NCAM1: variants seen among roughly 807,000 people sequenced by gnomAD.
NCAM1 encodes the protein antigen recognized by monoclonal antibody 5.1H11.
In NCAM1, 14 loss-of-function variants were observed where a neutral mutation model predicts 109.8. The observed-to-expected ratio is 0.13, with a 90% confidence interval of 0.08 to 0.20. The LOEUF (loss-of-function observed/expected upper bound fraction) is 0.20. Among genes scored for constraint, NCAM1 ranks in the 10% least tolerant of loss-of-function variants. NCAM1 has a pLI of 1.00. For missense variants in NCAM1, 774 were observed against 1,109.9 expected (o/e 0.70, Z 4.30); for synonymous variants, 418 against 442.9 (o/e 0.94, Z 0.70).
At position 113,219,517 on chromosome 11, in the gene NCAM1, A is replaced by G. The variant is rs143887903; in HGVS notation, c.1060-1779A>G. Among the ~76,000 whole-genome samples the G allele has an allele frequency of 7.0e-3, 1,073 of 152,310 alleles. 16 individuals are homozygous for G. The highest frequency in any genetic ancestry group is 0.024 in the African/African-American group (997 of 41,568). On this transcript the variant is annotated intron_variant, in intron 8 of 19. Coordinates refer to ENST00000316851, the MANE Select transcript of NCAM1 (RefSeq NM_181351.5). ...CAATTTTTGGAGGATTACTAATCAC[A>G]CTCTGATTTATTTCATAAGTGTGTA...
intron 1 of NCAM1, among the ~76,000 whole-genome samples, chr11:112,987,910 A>G (rs936758415): frequency 1.3e-5 from 2 of 152,180 alleles, no homozygotes; most frequent in Non-Finnish European, 2.9e-5. Context: ...AATTATTAAT[A>G]GGTAAGGAAT....
At position 113,270,229 on chromosome 11, in the gene NCAM1, G is replaced by A. The variant is rs377610168; in HGVS notation, c.2173G>A (p.Val725Met). ...PTSGLSTGAI[V>M]GILIVIFVLL... ...CTCAGGCCTGAGCACCGGGGCCATC[G>A]TGGGCATCCTCATCGTCATCTTCGT... Residue 725 changes from valine (V) to methionine (M), a missense_variant, in exon 18 of 20, where the codon GTG becomes ATG. This residue lies in a region of NCAM1 where 523 missense variants were observed against 784.2 expected (regional missense o/e 0.67). Coordinates refer to ENST00000316851, the MANE Select transcript of NCAM1 (RefSeq NM_181351.5). 5.6e-6 allele frequency: 9 copies of A among 1,613,914 alleles called. No individual in the cohort carries two copies. Among genetic ancestry groups the A allele is most frequent in the Middle Eastern group, 1.6e-4 (1 of 6,084 alleles).
chr11:113,012,012 C>CTTCG (rs1565381299), intron 1 of NCAM1, among the ~76,000 whole-genome samples: 1 of 137,746 alleles, frequency 7.3e-6, no homozygotes, highest in East Asian at 2.2e-4. Context: ...TCCTTCCTTC[C>CTTCG]TTTCTTTCCT....
At chr11:113,045,747 G>A (rs1953247358) in intron 1 of NCAM1, among the ~76,000 whole-genome samples, 1 of 151,798 alleles carries the variant, frequency 6.6e-6, no homozygotes, top group African/African-American at 2.4e-5. Flanking sequence ...ATTTCAACCT[G>A]TCTTCTAAAA....
At chr11:113,153,649 G>A (rs2136290470) in intron 1 of NCAM1, among the ~76,000 whole-genome samples, 1 of 152,304 alleles carries the variant, frequency 6.6e-6, no homozygotes, top group South Asian at 2.1e-4. Context: ...CTTAAAGTGA[G>A]CAGTTGTATG....
At chr11:113,037,314 G>C (rs1555079328) in intron 1 of NCAM1, among the ~76,000 whole-genome samples, 1 of 152,180 alleles carries the variant, frequency 6.6e-6, no homozygotes, top group African/African-American at 2.4e-5. Context: ...AAAACAAGAG[G>C]GTTGGGTTTG....
chr11:113,113,296 G>A (rs1186521265), intron 1 of NCAM1, among the ~76,000 whole-genome samples: 1 of 152,076 alleles, frequency 6.6e-6, no homozygotes, highest in African/African-American at 2.4e-5. Flanking sequence ...TGGTTGTGAG[G>A]TTTTTTTGCA....
At chr11:113,271,616 A>G in intron 18 of NCAM1, 144 bp from the exon 19 acceptor site, 1 of 559,386 alleles carries the variant, frequency 1.8e-6, no homozygotes, top group Non-Finnish European at 3.2e-6. Context: ...ACAGCTAGCA[A>G]GGGTTGGGCT....
chr11:113,035,837 T>C (rs925209775), intron 1 of NCAM1, among the ~76,000 whole-genome samples: 1 of 152,178 alleles, frequency 6.6e-6, no homozygotes, highest in Non-Finnish European at 1.5e-5. Context: ...GACAGAGGCA[T>C]GTCAGGAAGG....
At chr11:113,071,421 ATTTTTTTT>A (rs66821824) in intron 1 of NCAM1, among the ~76,000 whole-genome samples, 1 of 127,672 alleles carries the variant, frequency 7.8e-6, no homozygotes, top group Non-Finnish European at 1.6e-5. Context: ...TGTTGGTTGG[ATTTTTTTT>A]TTTTTTTTTT....
At chr11:112,984,578 C>G (rs1951244609) in intron 1 of NCAM1, among the ~76,000 whole-genome samples, 1 of 151,868 alleles carries the variant, frequency 6.6e-6, no homozygotes, top group Admixed American at 6.6e-5. Context: ...GTCTTTTTGA[C>G]AAAAGCCATC....
At chr11:112,973,524 C>T (rs1028238408) in intron 1 of NCAM1, among the ~76,000 whole-genome samples, 1 of 152,060 alleles carries the variant, frequency 6.6e-6, no homozygotes, top group Non-Finnish European at 1.5e-5. Context: ...CCCCATGGAC[C>T]TTTGGTATCA....
At chr11:113,218,032 A>G (rs1292436305) in intron 8 of NCAM1, among the ~76,000 whole-genome samples, 4 of 152,226 alleles carry the variant, frequency 2.6e-5, no homozygotes, top group African/African-American at 9.6e-5. Context: ...TTAGAAGTCT[A>G]TGTGTCCAGG....
At chr11:113,193,404 G>A (rs571004773) in intron 1 of NCAM1, among the ~76,000 whole-genome samples, 29 of 152,318 alleles carry the variant, frequency 1.9e-4, no homozygotes, top group African/African-American at 4.6e-4. Context: ...CCAGCACTTC[G>A]AGAGGCCGAG....
intron 1 of NCAM1, among the ~76,000 whole-genome samples, chr11:113,033,288 G>A (rs2135363646): frequency 6.6e-6 from 1 of 152,306 alleles, no homozygotes; most frequent in Middle Eastern, 3.4e-3. Context: ...TCCTAAAGTA[G>A]TAGTGGTAAT....
intron 1 of NCAM1, among the ~76,000 whole-genome samples, chr11:113,140,388 C>G (rs1422938615): frequency 2.6e-5 from 4 of 152,130 alleles, no homozygotes; most frequent in African/African-American, 9.7e-5. Flanking sequence ...CTGAGCACAG[C>G]CTTCCACCTG....
At chr11:113,075,325 C>T (rs1386244085) in intron 1 of NCAM1, among the ~76,000 whole-genome samples, 4 of 152,156 alleles carry the variant, frequency 2.6e-5, no homozygotes, top group East Asian at 3.9e-4. Flanking sequence ...CCACCTTGGC[C>T]TCCTAAAGTG....
At chr11:113,010,241 A>G (rs782280881) in intron 1 of NCAM1, among the ~76,000 whole-genome samples, 1 of 152,222 alleles carries the variant, frequency 6.6e-6, no homozygotes. Flanking sequence ...TATTTATTAA[A>G]GTAGGATCTC....
chr11:113,139,853 T>C (rs1360317733), intron 1 of NCAM1, among the ~76,000 whole-genome samples: 1 of 152,212 alleles, frequency 6.6e-6, no homozygotes, highest in East Asian at 1.9e-4. Flanking sequence ...CATAGAAATG[T>C]GGAATATTCA....
Sources: allele counts gnomAD v4.1 joint callset (sites outside exome capture counted in the v4.1 genomes callset), GRCh38; gene constraint gnomAD v4.1.1; regional missense constraint gnomAD v4.1.1; transcripts MANE v1.5; gene names NCBI Gene and HGNC (gene_info 2026-07-23, HGNC 2026-07-21).